Variants in CREBBP observed in about 807,000 individuals in gnomAD.
CREBBP encodes the protein CREB binding lysine acetyltransferase.
CREBBP carries 19 observed loss-of-function variants against 265.0 expected under a neutral mutation model. That is an observed-to-expected ratio of 0.07 (90% confidence interval 0.05 to 0.11). The LOEUF (loss-of-function observed/expected upper bound fraction) is 0.11, where lower values mean the gene tolerates loss of function less well. Among genes scored for constraint, CREBBP ranks in the 10% least tolerant of loss-of-function variants. CREBBP has a pLI of 1.00. For synonymous variants in CREBBP, 1,457 were observed against 1,223.7 expected, an observed-to-expected ratio of 1.19 and a Z score of -3.98; for missense variants, 2,525 against 3,219.0, an observed-to-expected ratio of 0.78 and a Z score of 5.22.
chr16:3,855,225 T>A (rs1376521540), intron 1 of CREBBP, among the ~76,000 whole-genome samples: 1 of 152,228 alleles, frequency 6.6e-6, no homozygotes, highest in Non-Finnish European at 1.5e-5. Flanking sequence ...CGAAAAAGGA[T>A]CAAAGGTTCC....
intron 3 of CREBBP, among the ~76,000 whole-genome samples, chr16:3,800,053 T>C (rs1333294228): frequency 6.6e-6 from 1 of 152,206 alleles, no homozygotes; most frequent in East Asian, 1.9e-4. Context: ...GTGGGTACTT[T>C]GTTACGTAAA....
At chr16:3,790,135 C>T (rs1037499070) in intron 5 of CREBBP, among the ~76,000 whole-genome samples, 10 of 151,984 alleles carry the variant, frequency 6.6e-5, no homozygotes, top group African/African-American at 2.4e-4. Flanking sequence ...CTGAAATGTG[C>T]CCTAAAACAC....
At chr16:3,843,110 T>C (rs1363505960) in intron 2 of CREBBP, among the ~76,000 whole-genome samples, 1 of 152,012 alleles carries the variant, frequency 6.6e-6, no homozygotes, top group Non-Finnish European at 1.5e-5. Flanking sequence ...AATTTTCTAC[T>C]AAAACAGAAA....
chr16:3,856,671 A>C (rs1390501137), intron 1 of CREBBP, among the ~76,000 whole-genome samples: 1 of 152,236 alleles, frequency 6.6e-6, no homozygotes, highest in Non-Finnish European at 1.5e-5. Context: ...CATGAAAATG[A>C]AACTTCATCT....
rs551261859 is a variant in CREBBP at position 3,868,907 on chromosome 16, G to A, written c.85+10925C>T. Among the ~76,000 whole-genome samples the A allele has an allele frequency of 5.3e-5, 8 of 152,290 alleles. No homozygotes were observed. The South Asian group carries it at 1.7e-3, about 32-fold the overall frequency. On this transcript the variant is annotated intron_variant, in intron 1 of 30. Coordinates refer to ENST00000262367, the MANE Select transcript of CREBBP (RefSeq NM_004380.3). ...ATTTGCTGAATAAAAGAATGAAGTG[G>A]TAGGAGTCAAGACTGGATCCCGGGC...
chr16:3,797,108 G>A (rs2053622814), intron 3 of CREBBP, among the ~76,000 whole-genome samples: 1 of 152,110 alleles, frequency 6.6e-6, no homozygotes, highest in Non-Finnish European at 1.5e-5. Flanking sequence ...CAACCTCCCT[G>A]CCCAGTTCCC....
rs775054502 is a variant in CREBBP, at chr16:3,879,956, C to G, written c.-40G>C. 50 of 1,585,758 alleles carry G rather than the reference C, an allele frequency of 3.2e-5. No individual in the cohort carries two copies. Among genetic ancestry groups the G allele is most frequent in the African/African-American group, 2.7e-5 (2 of 73,866 alleles). On this transcript the variant is annotated 5_prime_UTR_variant, in exon 1 of 31. Transcript: ENST00000262367. ...GAAAACAGCCCCGGGCACGGGCGGC[C>G]GGGCCGGCGAGGGCCCGGACGGGGG...
rs146733725 is a variant in CREBBP, at chr16:3,877,874, C to A, written c.85+1958G>T. Reference sequence around the variant, plus strand: ...GAGCCATTTAAAGCTGACTTTTGGTCCCACGAAAGAGCCCCTGTGCCTTAC... The same window carrying A: ...GAGCCATTTAAAGCTGACTTTTGGTACCACGAAAGAGCCCCTGTGCCTTAC... On this transcript the variant is annotated intron_variant, in intron 1 of 30. Coordinates refer to ENST00000262367, the MANE Select transcript of CREBBP (RefSeq NM_004380.3). Among the ~76,000 whole-genome samples the A allele has an allele frequency of 3.7e-4, 57 of 152,264 alleles. 2 individuals are homozygous for A. Among genetic ancestry groups the A allele is most frequent in the African/African-American group, 1.3e-3 (54 of 41,536 alleles).
At chr16:3,755,943 T>C (rs1038070491) in intron 19 of CREBBP, among the ~76,000 whole-genome samples, 8 of 152,144 alleles carry the variant, frequency 5.3e-5, no homozygotes, top group Non-Finnish European at 1.0e-4. Flanking sequence ...CTTAGGAACC[T>C]TTTTTGAGAC....
intron 2 of CREBBP, among the ~76,000 whole-genome samples, chr16:3,844,873 A>C (rs537800916): frequency 6.6e-6 from 1 of 152,272 alleles, no homozygotes; most frequent in East Asian, 1.9e-4. Context: ...TCCAGAAATA[A>C]ACTTAGTAAG....
chr16:3,802,898 C>T (rs1433504867), intron 3 of CREBBP, among the ~76,000 whole-genome samples: 1 of 152,078 alleles, frequency 6.6e-6, no homozygotes, highest in Admixed American at 6.6e-5. Flanking sequence ...AAAACGATAC[C>T]AAAGCGAACA....
At chr16:3,765,185 C>T (rs2052820762) in intron 16 of CREBBP, among the ~76,000 whole-genome samples, 1 of 152,178 alleles carries the variant, frequency 6.6e-6, no homozygotes, top group Non-Finnish European at 1.5e-5. Context: ...ACCGTATTAG[C>T]CAGGATGGTC....
intron 2 of CREBBP, among the ~76,000 whole-genome samples, chr16:3,848,926 T>C (rs942064690): frequency 2.7e-4 from 41 of 152,192 alleles, no homozygotes; most frequent in Admixed American, 2.5e-3. Context: ...CATTACTTCA[T>C]CTTCATTTCT....
At chr16:3,849,278 C>T (rs1213672266) in intron 2 of CREBBP, among the ~76,000 whole-genome samples, 1 of 152,052 alleles carries the variant, frequency 6.6e-6, no homozygotes, top group East Asian at 1.9e-4. Flanking sequence ...CAGGCATCTG[C>T]CTTCCCCCTT....
In CREBBP at chr16:3,730,033, C is replaced by T. The variant is rs541423953; in HGVS notation, c.5173-159G>A. On this transcript the variant is annotated intron_variant, in intron 30 of 30. Coordinates refer to ENST00000262367, the MANE Select transcript of CREBBP (RefSeq NM_004380.3). ...ATGCGAGCACGGACAGGTGGGAGAC[C>T]CGGACAGGGCGGGAGCACGGACAAG... 5.3e-5 allele frequency among the ~76,000 whole-genome samples: 8 copies of T among 152,160 alleles called. No individual in the cohort carries two copies. The East Asian group carries it at 1.2e-3, about 22-fold the overall frequency.
rs967824913 is a variant in CREBBP at position 3,773,785 on chromosome 16, A to G, written c.2429T>C (p.Met810Thr). The G allele has an allele frequency of 6.2e-7, 1 of 1,613,736 alleles. No individual in the cohort carries two copies. The highest frequency in any genetic ancestry group is 8.5e-7 in the Non-Finnish European group (1 of 1,180,028). ...PSSSGAMSVGMGQPPAQTGVS... is the reference protein window; with the variant it reads ...PSSSGAMSVGTGQPPAQTGVS... Reference sequence around the variant, plus strand: ...GCCTGTTTGGGCTGGCGGCTGCCCCATGCCCACACTCATCGCCCCGCTGGA... The same window carrying G: ...GCCTGTTTGGGCTGGCGGCTGCCCCGTGCCCACACTCATCGCCCCGCTGGA... Residue 810 changes from methionine (M) to threonine (T), a missense_variant, in exon 13 of 31, where the codon ATG (methionine) becomes ACG (threonine). Coordinates refer to ENST00000262367, the MANE Select transcript of CREBBP (RefSeq NM_004380.3).
At chr16:3,780,195 C>T (rs1249759439) in intron 8 of CREBBP, among the ~76,000 whole-genome samples, 5 of 144,410 alleles carry the variant, frequency 3.5e-5, no homozygotes, top group African/African-American at 1.3e-4. Context: ...TGAGCTAAGA[C>T]TGTGCCACTG....
At chr16:3,745,456 C>CT in intron 21 of CREBBP, 102 bp from the exon 22 acceptor site, 1 of 1,017,280 alleles carries the variant, frequency 9.8e-7, no homozygotes, top group South Asian at 1.4e-5. Flanking sequence ...CTCTGGGTTA[C>CT]TTTGAGTAGT....
At position 3,782,744 on chromosome 16, in the gene CREBBP, G is replaced by A. The variant is rs2053301927; in HGVS notation, c.1513C>T (p.Pro505Ser). The part of the protein sequence containing the change: ...QPQTQLQPQV[P>S]GQQPAQPQTH... Reference sequence around the variant, plus strand: ...TGAGGCTGTGCTGGTTGCTGGCCAGGAACCTGAGGCTGCAGCTGCGTCTGG... The same window carrying A: ...TGAGGCTGTGCTGGTTGCTGGCCAGAAACCTGAGGCTGCAGCTGCGTCTGG... Residue 505 changes from proline to serine, a missense_variant, in exon 6 of 31, where the codon CCT becomes TCT. Physicochemically the swap from Pro to Ser is moderately conservative, Grantham distance 74. Around this residue, in one of 19 missense-constraint regions of CREBBP, gnomAD observed 144 missense variants for 134.0 expected, o/e 1.07. Transcript: ENST00000262367. 1 of 1,614,162 alleles carries A rather than the reference G, an allele frequency of 6.2e-7. No homozygotes were observed. Among genetic ancestry groups the A allele is most frequent in the Non-Finnish European group, 8.5e-7 (1 of 1,180,016 alleles).
Sources: allele counts gnomAD v4.1 joint callset (sites outside exome capture counted in the v4.1 genomes callset), GRCh38; gene constraint gnomAD v4.1.1; regional missense constraint gnomAD v4.1.1; transcripts MANE v1.5; gene names NCBI Gene and HGNC (gene_info 2026-07-23, HGNC 2026-07-21).